Variants in CFAP299 observed in about 807,000 individuals in gnomAD.
The protein encoded by CFAP299 is cilia- and flagella-associated protein 299.
A neutral mutation model predicts 27.0 loss-of-function variants in CFAP299; 21 were observed. The observed-to-expected ratio is 0.78, with a 90% CI of 0.55 to 1.12. The LOEUF is 1.12. CFAP299 is among the 50% of genes most tolerant of loss of function. The pLI, the probability that CFAP299 is intolerant of heterozygous loss-of-function variation, is 0.00. For missense variants in CFAP299, 310 were observed against 276.6 expected, an observed-to-expected ratio of 1.12 and a Z score of -0.86; for synonymous variants, 104 against 98.1, an observed-to-expected ratio of 1.06 and a Z score of -0.36.
intron 2 of CFAP299, among the ~76,000 whole-genome samples, chr4:80,572,079 A>G (rs1735608494): frequency 6.6e-6 from 1 of 152,070 alleles, no homozygotes; most frequent in African/African-American, 2.4e-5. Flanking sequence ...GTAGGTATAT[A>G]TATTTATGGG....
At chr4:80,439,671 G>T (rs1471594260) in intron 2 of CFAP299, among the ~76,000 whole-genome samples, 1 of 152,154 alleles carries the variant, frequency 6.6e-6, no homozygotes, top group Non-Finnish European at 1.5e-5. Context: ...CCCCAGTGGT[G>T]CCTGGAATGC....
intron 3 of CFAP299, among the ~76,000 whole-genome samples, chr4:80,641,215 T>A (rs968643544): frequency 3.9e-5 from 6 of 152,176 alleles, no homozygotes; most frequent in African/African-American, 1.4e-4. Context: ...TTTTTCTTTT[T>A]CTTTTTCGAG....
intron 2 of CFAP299, among the ~76,000 whole-genome samples, chr4:80,418,442 T>G (rs903264322): frequency 2.7e-5 from 4 of 148,250 alleles, no homozygotes; most frequent in Non-Finnish European, 5.9e-5. Context: ...GTGAAAAGAT[T>G]AAATTAATCT....
chr4:80,394,490 T>G (rs1725668532), intron 2 of CFAP299, among the ~76,000 whole-genome samples: 2 of 152,146 alleles, frequency 1.3e-5, no homozygotes, highest in Admixed American at 1.3e-4. Context: ...ATCTAAGAAT[T>G]TATTGCTTCC....
chr4:80,383,207 GAAC>G (rs544901666), intron 2 of CFAP299, among the ~76,000 whole-genome samples: 4 of 152,052 alleles, frequency 2.6e-5, no homozygotes, highest in African/African-American at 7.2e-5. Flanking sequence ...GGGGGAAGAG[GAAC>G]AACAACAACA....
At chr4:80,685,126 T>C (rs188188712) in intron 3 of CFAP299, among the ~76,000 whole-genome samples, 1 of 152,332 alleles carries the variant, frequency 6.6e-6, no homozygotes, top group Admixed American at 6.5e-5. Flanking sequence ...CTCTATGCAA[T>C]GCTATCATCC....
chr4:80,839,411 C>A (rs570136630), intron 3 of CFAP299, among the ~76,000 whole-genome samples: 22 of 152,156 alleles, frequency 1.4e-4, no homozygotes, highest in African/African-American at 5.3e-4. Context: ...AATTCACAGA[C>A]CAATTTGAAG....
chr4:80,649,214 G>A (rs1043022144), intron 3 of CFAP299: 3 of 152,226 alleles, frequency 2.0e-5, no homozygotes, highest in South Asian at 4.2e-4. Flanking sequence ...CCAAAGTGTT[G>A]GAACTTTTAA....
chr4:80,705,434 T>A (rs1721763546), intron 3 of CFAP299, among the ~76,000 whole-genome samples: 2 of 151,896 alleles, frequency 1.3e-5, no homozygotes, highest in Non-Finnish European at 2.9e-5. Context: ...CCTAAAAATG[T>A]TGCATCCTGC....
At chr4:80,754,370 G>C (rs1410343965) in intron 3 of CFAP299, among the ~76,000 whole-genome samples, 1 of 152,076 alleles carries the variant, frequency 6.6e-6, no homozygotes, top group East Asian at 1.9e-4. Context: ...TAAGACCACT[G>C]TTCCTTAATG....
chr4:80,689,598 G>A (rs1201536181), intron 3 of CFAP299, among the ~76,000 whole-genome samples: 3 of 152,162 alleles, frequency 2.0e-5, no homozygotes, highest in Non-Finnish European at 2.9e-5. Flanking sequence ...ATGCCAAATT[G>A]TAAAGATCAT....
At chr4:80,860,930 T>C (rs2110158541) in intron 3 of CFAP299, among the ~76,000 whole-genome samples, 1 of 152,280 alleles carries the variant, frequency 6.6e-6, no homozygotes, top group African/African-American at 2.4e-5. Context: ...GAACCACTGC[T>C]CTCTTCAAAT....
At chr4:80,521,743 GC>G (rs1366235509) in intron 2 of CFAP299, among the ~76,000 whole-genome samples, 1 of 151,442 alleles carries the variant, frequency 6.6e-6, no homozygotes, top group African/African-American at 2.4e-5. Context: ...ATTTTACTTA[GC>G]AAAATATCCA....
At chr4:80,495,744 A>G (rs954164886) in intron 2 of CFAP299, among the ~76,000 whole-genome samples, 1 of 152,246 alleles carries the variant, frequency 6.6e-6, no homozygotes, top group African/African-American at 2.4e-5. Flanking sequence ...TAATTGGCTT[A>G]TGGTTCTGCT....
intron 2 of CFAP299, among the ~76,000 whole-genome samples, chr4:80,454,313 A>G (rs1274855283): frequency 6.6e-6 from 1 of 152,222 alleles, no homozygotes; most frequent in Non-Finnish European, 1.5e-5. Context: ...AGGTCGCAAC[A>G]ATCCTATGAT....
intron 3 of CFAP299, among the ~76,000 whole-genome samples, chr4:80,753,543 G>A (rs1725057985): frequency 6.6e-6 from 1 of 151,982 alleles, no homozygotes; most frequent in African/African-American, 2.4e-5. Flanking sequence ...ATTAATTTTG[G>A]AAAATTCTCA....
intron 5 of CFAP299, among the ~76,000 whole-genome samples, chr4:80,946,989 G>A (rs1737509473): frequency 6.6e-6 from 1 of 152,270 alleles, no homozygotes; most frequent in South Asian, 2.1e-4. Context: ...TTTTAGGGCT[G>A]TATTTTAACT....
chr4:80,483,550 A>G (rs1392684550), intron 2 of CFAP299, among the ~76,000 whole-genome samples: 1 of 152,162 alleles, frequency 6.6e-6, no homozygotes, highest in Non-Finnish European at 1.5e-5. Context: ...GGTTTAAAGC[A>G]AGACTAAAAT....
intron 3 of CFAP299, among the ~76,000 whole-genome samples, chr4:80,864,249 C>CT (rs1315077892): frequency 1.3e-5 from 2 of 151,356 alleles, no homozygotes; most frequent in African/African-American, 4.8e-5. Context: ...ATTCTTAAGT[C>CT]TATAGGGCTC....
Sources: gnomAD v4.1 joint callset for allele counts (sites outside exome capture counted in the v4.1 genomes callset) on GRCh38, gnomAD v4.1.1 for gene constraint, MANE v1.5 for transcripts, NCBI Gene and HGNC (gene_info 2026-07-23, HGNC 2026-07-21) for gene names.